NLGN1: variants seen among roughly 807,000 people sequenced by gnomAD.
NLGN1 encodes the protein neuroligin 1.
Under a neutral mutation model 65.5 loss-of-function variants are expected in NLGN1, and 12 were observed. The observed-to-expected ratio is 0.18, with a 90% confidence interval of 0.12 to 0.30. NLGN1 has a LOEUF of 0.30. NLGN1 is among the 10% of genes least tolerant of loss of function. The pLI, the probability that NLGN1 is intolerant of heterozygous loss-of-function variation, is 1.00. For missense variants in NLGN1, 750 were observed against 1,007.1 expected (o/e 0.74, Z 3.46); for synonymous variants, 350 against 359.5 (o/e 0.97, Z 0.30).
intron 3 of NLGN1, among the ~76,000 whole-genome samples, chr3:173,749,236 T>C (rs1775975612): frequency 6.6e-6 from 1 of 152,066 alleles, no homozygotes; most frequent in African/African-American, 2.4e-5. Flanking sequence ...AAAGCCACAG[T>C]TTAAAATAAC....
intron 2 of NLGN1, among the ~76,000 whole-genome samples, chr3:173,484,521 G>A (rs1026909145): frequency 2.6e-5 from 4 of 152,056 alleles, no homozygotes; most frequent in African/African-American, 9.7e-5. Context: ...CACAGACTGA[G>A]TGTAGATGCA....
At chr3:173,780,463 G>A (rs1780955516) in intron 3 of NLGN1, among the ~76,000 whole-genome samples, 2 of 152,156 alleles carry the variant, frequency 1.3e-5, no homozygotes. Context: ...AGACTTTAAA[G>A]TTTCAAATAA....
intron 3 of NLGN1, among the ~76,000 whole-genome samples, chr3:173,619,683 A>G (rs1033372492): frequency 6.6e-6 from 1 of 152,204 alleles, no homozygotes; most frequent in African/African-American, 2.4e-5. Context: ...CCACAGTTAG[A>G]AAGTGGCAGA....
At chr3:173,972,134 A>G (rs1716389435) in intron 4 of NLGN1, among the ~76,000 whole-genome samples, 2 of 152,148 alleles carry the variant, frequency 1.3e-5, no homozygotes, top group African/African-American at 2.4e-5. Flanking sequence ...TAACAAAGTA[A>G]GAATATCCCA....
intron 2 of NLGN1, among the ~76,000 whole-genome samples, chr3:173,581,493 T>C (rs1196790033): frequency 1.3e-5 from 2 of 152,038 alleles, no homozygotes; most frequent in Non-Finnish European, 2.9e-5. Flanking sequence ...TCAGAGGCCC[T>C]GTTACTATTT....
At chr3:174,099,357 G>A in intron 4 of NLGN1, among the ~76,000 whole-genome samples, 1 of 152,122 alleles carries the variant, frequency 6.6e-6, no homozygotes, top group East Asian at 1.9e-4. Context: ...TAGATAACAT[G>A]CATATGCTAA....
At chr3:173,448,833 T>G (rs1720901648) in intron 2 of NLGN1, among the ~76,000 whole-genome samples, 1 of 152,248 alleles carries the variant, frequency 6.6e-6, no homozygotes, top group African/African-American at 2.4e-5. Context: ...CTTCTAGATT[T>G]TCTAGTTTAT....
intron 4 of NLGN1, among the ~76,000 whole-genome samples, chr3:173,864,162 T>C (rs1034222135): frequency 6.6e-6 from 1 of 152,212 alleles, no homozygotes; most frequent in Admixed American, 6.5e-5. Context: ...TCATGAAATA[T>C]GATAATATGC....
chr3:173,429,121 G>A (rs138098625), intron 1 of NLGN1, among the ~76,000 whole-genome samples: 6 of 151,976 alleles, frequency 3.9e-5, no homozygotes, highest in East Asian at 1.9e-4. Flanking sequence ...CCTGGCGGTC[G>A]ACGGCTATTA....
chr3:173,709,508 A>G (rs961700357), intron 3 of NLGN1, among the ~76,000 whole-genome samples: 2 of 152,146 alleles, frequency 1.3e-5, no homozygotes, highest in Non-Finnish European at 2.9e-5. Context: ...AGCATAAGAA[A>G]CATCAAGAAC....
chr3:173,869,727 T>C (rs1478182703), intron 4 of NLGN1, among the ~76,000 whole-genome samples: 1 of 152,176 alleles, frequency 6.6e-6, no homozygotes, highest in East Asian at 1.9e-4. Flanking sequence ...AGAAAGTATT[T>C]CCTTCAACTT....
chr3:173,899,158 C>T (rs191575987), intron 4 of NLGN1, among the ~76,000 whole-genome samples: 32 of 152,210 alleles, frequency 2.1e-4, no homozygotes, highest in African/African-American at 7.5e-4. Flanking sequence ...CTCCATCAAA[C>T]TGTGGGTTCT....
chr3:173,762,399 A>C (rs183065714), intron 3 of NLGN1, among the ~76,000 whole-genome samples: 74 of 152,204 alleles, frequency 4.9e-4, no homozygotes, highest in Non-Finnish European at 7.4e-4. Flanking sequence ...CTGTACCTTT[A>C]AAATGATAAT....
chr3:174,095,026 C>G (rs748997705), intron 4 of NLGN1, among the ~76,000 whole-genome samples: 6 of 151,914 alleles, frequency 3.9e-5, no homozygotes, highest in Non-Finnish European at 8.8e-5. Context: ...TTTTGGGCAC[C>G]TTTTTCAGGG....
At chr3:173,621,553 A>G (rs1269508960) in intron 3 of NLGN1, among the ~76,000 whole-genome samples, 2 of 152,116 alleles carry the variant, frequency 1.3e-5, no homozygotes, top group Non-Finnish European at 2.9e-5. Flanking sequence ...GGTTTCAGTA[A>G]AGGGTGGGCC....
chr3:173,821,774 T>C (rs1430183283), intron 4 of NLGN1, among the ~76,000 whole-genome samples: 2 of 152,162 alleles, frequency 1.3e-5, no homozygotes, highest in African/African-American at 4.8e-5. Flanking sequence ...AAAATCTACA[T>C]AGTCCCTTAG....
intron 2 of NLGN1, among the ~76,000 whole-genome samples, chr3:173,479,793 A>T (rs1052929543): frequency 1.3e-5 from 2 of 152,218 alleles, no homozygotes; most frequent in Admixed American, 1.3e-4. Context: ...AACAATATGA[A>T]CAATAAAGAA....
chr3:174,130,825 A>G (rs1023520748), intron 4 of NLGN1, among the ~76,000 whole-genome samples: 1 of 152,184 alleles, frequency 6.6e-6, no homozygotes, highest in Non-Finnish European at 1.5e-5. Flanking sequence ...TTTGATTTTT[A>G]TACTGAAAGT....
rs574298501 is a variant in NLGN1 at position 174,147,419 on chromosome 3, C to CTTT, written c.647-127867_647-127865dup. On this transcript the variant is annotated intron_variant, in intron 4 of 6. Transcript: ENST00000457714. ...TGAATTTTTGTGTAATGGCTCATGG[C>CTTT]TTTTTTTTTTTTTTTTTTTTTTTTT... is the stretch of plus-strand genomic sequence containing the variant. Among the ~76,000 whole-genome samples the CTTT allele has an allele frequency of 9.0e-3, 325 of 36,268 alleles. 63 individuals are homozygous for CTTT. The highest frequency in any genetic ancestry group is 0.022 in the Middle Eastern group (1 of 46). The allele number at this position is 36,268 out of a possible 152,430, so 23.8% of individuals were successfully genotyped here.
Sources: allele counts gnomAD v4.1 joint callset (sites outside exome capture counted in the v4.1 genomes callset), GRCh38; gene constraint gnomAD v4.1.1; transcripts MANE v1.5; gene names NCBI Gene and HGNC (gene_info 2026-07-23, HGNC 2026-07-21).